The following NELL1 variants were observed in gnomAD, a reference collection of about 807,000 sequenced individuals.
The protein encoded by NELL1 is neural EGFL like 1, also known as protein kinase C-binding protein NELL1.
In NELL1, 76 loss-of-function variants were observed where a neutral mutation model predicts 107.4. The observed-to-expected ratio is 0.71, with a 90% CI of 0.59 to 0.86. The LOEUF (loss-of-function observed/expected upper bound fraction) is 0.86. NELL1 is among the 40% of genes least tolerant of loss of function. The probability of loss-of-function intolerance (pLI) is 0.00; values close to 1 mark genes in which losing one functional copy is unlikely to be tolerated. For missense variants in NELL1, 1,024 were observed against 1,005.5 expected (o/e 1.02, Z -0.25); for synonymous variants, 353 against 341.2 (o/e 1.03, Z -0.38).
intron 14 of NELL1, among the ~76,000 whole-genome samples, chr11:21,337,777 TTTCTTTCTTTCTTTCTTTCC>T (rs1850450778): frequency 8.1e-6 from 1 of 123,264 alleles, no homozygotes; most frequent in Non-Finnish European, 1.7e-5. Flanking sequence ...TCTTTCTTTC[TTTCTTTCTTTCTTTCTTTCC>T]TTCTTTCTTT....
chr11:21,395,251 C>T (rs1851956806), intron 15 of NELL1, among the ~76,000 whole-genome samples: 1 of 151,434 alleles, frequency 6.6e-6, no homozygotes, highest in African/African-American at 2.4e-5. Flanking sequence ...ACCATATCTG[C>T]CCTCTCTTTG....
chr11:20,751,683 T>G (rs1359779148), intron 2 of NELL1, among the ~76,000 whole-genome samples: 1 of 151,402 alleles, frequency 6.6e-6, no homozygotes, highest in Non-Finnish European at 1.5e-5. Flanking sequence ...AGAGATGAAG[T>G]CTTGCTGTGT....
In NELL1 at chr11:21,332,080, T is replaced by TA. The variant is rs1157660655; in HGVS notation, c.1550-38772dup. ...GGTCTTTCTGAGGTCTCTATTGAATTACTCAAGTATTCAACTGGACTCTCA... is the reference window on the plus strand; with the variant it reads ...GGTCTTTCTGAGGTCTCTATTGAATTAACTCAAGTATTCAACTGGACTCTCA... On this transcript the variant is annotated intron_variant, in intron 14 of 19. Transcript: ENST00000357134. Among the ~76,000 whole-genome samples the TA allele has an allele frequency of 2.6e-5, 4 of 152,208 alleles. No individual in the cohort carries two copies. The East Asian group carries it at 7.7e-4, about 29-fold the overall frequency.
intron 3 of NELL1, among the ~76,000 whole-genome samples, chr11:20,785,101 G>A (rs1329088681): frequency 1.4e-4 from 22 of 152,204 alleles, no homozygotes; most frequent in Non-Finnish European, 1.3e-4. Flanking sequence ...AAGGAACAGT[G>A]TGCACAGTCA....
chr11:20,675,132 C>T (rs992274877), intron 1 of NELL1, among the ~76,000 whole-genome samples: 5 of 152,228 alleles, frequency 3.3e-5, no homozygotes, highest in East Asian at 1.9e-4. Context: ...TGGAAGTAGA[C>T]GAGAACAAAC....
intron 15 of NELL1, among the ~76,000 whole-genome samples, chr11:21,394,745 A>C (rs1026862858): frequency 6.6e-6 from 1 of 151,568 alleles, no homozygotes; most frequent in African/African-American, 2.4e-5. Flanking sequence ...CACTAAGGGT[A>C]GAATCCTGAG....
rs1856206434 is a variant in NELL1, at chr11:21,155,265, G to T, written c.1426+41551G>T. On this transcript the variant is annotated intron_variant, in intron 13 of 19. Coordinates refer to ENST00000357134, the MANE Select transcript of NELL1 (RefSeq NM_006157.5). ...TGGTACAAGTCATTTGTTCAGTTTGGACAGATTGGGTCCAAACTTTAGAAA... is the reference window on the plus strand; with the variant it reads ...TGGTACAAGTCATTTGTTCAGTTTGTACAGATTGGGTCCAAACTTTAGAAA... Among the ~76,000 whole-genome samples the T allele has an allele frequency of 2.6e-5, 4 of 152,216 alleles. No homozygotes were observed. In the South Asian group the frequency reaches 8.3e-4, roughly 32 times the overall value.
In NELL1 at chr11:21,351,022, A is replaced by G. The variant is rs149955838; in HGVS notation, c.1550-19831A>G. On this transcript the variant is annotated intron_variant, in intron 14 of 19. Transcript: ENST00000357134. ...ATGGGTCCTAAATCCAATTACTGGT[A>G]TAATTGGATTGGTATAAATGATATC... Among the ~76,000 whole-genome samples the G allele has an allele frequency of 2.8e-3, 430 of 152,232 alleles. 5 individuals are homozygous for G. The highest frequency in any genetic ancestry group is 9.9e-3 in the African/African-American group (412 of 41,552).
intron 13 of NELL1, among the ~76,000 whole-genome samples, chr11:21,152,671 A>G (rs1856145545): frequency 6.6e-6 from 1 of 152,188 alleles, no homozygotes; most frequent in Non-Finnish European, 1.5e-5. Context: ...ACAATTGTAG[A>G]GATGGTCTTT....
intron 15 of NELL1, among the ~76,000 whole-genome samples, chr11:21,451,186 A>C (rs1853570785): frequency 2.7e-5 from 1 of 36,450 alleles, no homozygotes; most frequent in Non-Finnish European, 8.5e-5. Context: ...GACTCCGTCT[A>C]AAAAAAAAAA....
chr11:21,335,246 A>G (rs1317325797), intron 14 of NELL1, among the ~76,000 whole-genome samples: 1 of 152,042 alleles, frequency 6.6e-6, no homozygotes, highest in Non-Finnish European at 1.5e-5. Context: ...TCCTATAGAT[A>G]TTTCTAAATA....
intron 2 of NELL1, among the ~76,000 whole-genome samples, chr11:20,755,559 T>TATTATTTTTTTTTTTTTA (rs1554914196): frequency 5.7e-5 from 1 of 17,666 alleles, no homozygotes; most frequent in African/African-American, 1.1e-4. Context: ...TGTTTTTGTT[T>TATTATTTTTTTTTTTTTA]TTGTTTTTTT....
At chr11:21,262,318 G>A (rs529670961) in intron 14 of NELL1, among the ~76,000 whole-genome samples, 4 of 151,594 alleles carry the variant, frequency 2.6e-5, no homozygotes, top group Non-Finnish European at 5.9e-5. Context: ...CTCTCTGTCG[G>A]GTGAGAGCCC....
At chr11:21,387,975 G>A (rs957029888) in intron 15 of NELL1, among the ~76,000 whole-genome samples, 3 of 151,734 alleles carry the variant, frequency 2.0e-5, no homozygotes, top group African/African-American at 7.3e-5. Context: ...TTTTACAGAT[G>A]AGAAAATTGA....
At chr11:20,860,116 C>A (rs1264297235) in intron 4 of NELL1, among the ~76,000 whole-genome samples, 1 of 152,176 alleles carries the variant, frequency 6.6e-6, no homozygotes, top group Non-Finnish European at 1.5e-5. Context: ...AGCCACAGAA[C>A]CTCTCTTCAC....
intron 5 of NELL1, among the ~76,000 whole-genome samples, chr11:20,886,100 A>G (rs1030951877): frequency 6.6e-6 from 1 of 152,164 alleles, no homozygotes; most frequent in Non-Finnish European, 1.5e-5. Context: ...ACTGTGGACT[A>G]CTAGAGGTGG....
chr11:21,421,915 A>G (rs547819584), intron 15 of NELL1, among the ~76,000 whole-genome samples: 4 of 152,316 alleles, frequency 2.6e-5, no homozygotes, highest in African/African-American at 9.6e-5. Flanking sequence ...GACTCATCAC[A>G]TGTGAGGAAT....
intron 16 of NELL1, among the ~76,000 whole-genome samples, chr11:21,559,951 T>C (rs910485433): frequency 2.6e-5 from 4 of 152,118 alleles, no homozygotes; most frequent in Non-Finnish European, 4.4e-5. Flanking sequence ...ACAGTGGTCA[T>C]GTTATTTAAG....
chr11:21,465,883 A>C (rs4540832), intron 15 of NELL1, among the ~76,000 whole-genome samples: 1 of 152,090 alleles, frequency 6.6e-6, no homozygotes. Flanking sequence ...AATCTAAGCC[A>C]TAGCACCAGA....
Sources: allele counts gnomAD v4.1 joint callset (sites outside exome capture counted in the v4.1 genomes callset), GRCh38; gene constraint gnomAD v4.1.1; transcripts MANE v1.5; gene names NCBI Gene and HGNC (gene_info 2026-07-23, HGNC 2026-07-21).